The following TPST1 variants were observed in gnomAD, a reference collection of about 807,000 sequenced individuals.
TPST1 encodes the protein protein-tyrosine sulfotransferase 1.
TPST1 carries 20 observed loss-of-function variants against 34.8 expected under a neutral mutation model. The ratio of observed to expected loss-of-function variants is 0.57; its 90% CI spans 0.40 to 0.84. TPST1 has a LOEUF of 0.84. Ranked by LOEUF, TPST1 falls within the 40% of genes least tolerant of loss-of-function variation. TPST1 has a pLI of 0.00. For missense variants in TPST1, 353 were observed against 455.5 expected, an observed-to-expected ratio of 0.78 and a Z score of 2.05; for synonymous variants, 152 against 159.4, an observed-to-expected ratio of 0.95 and a Z score of 0.35.
At chr7:66,210,631 G>T (rs1489659954) in intron 1 of TPST1, among the ~76,000 whole-genome samples, 1 of 152,140 alleles carries the variant, frequency 6.6e-6, no homozygotes, top group African/African-American at 2.4e-5. Context: ...AAGAGGGAGT[G>T]ATAGAACCCT....
chr7:66,217,098 C>T (rs191751702), intron 1 of TPST1, among the ~76,000 whole-genome samples: 169 of 152,104 alleles, frequency 1.1e-3, no homozygotes, highest in African/African-American at 3.8e-3. Context: ...GGGACTTGTT[C>T]GAAAGCCTAA....
At chr7:66,349,093 G>C (rs1792416082) in intron 3 of TPST1, among the ~76,000 whole-genome samples, 1 of 152,178 alleles carries the variant, frequency 6.6e-6, no homozygotes, top group Non-Finnish European at 1.5e-5. Flanking sequence ...ATTTGCTAAA[G>C]GCAATGTGGG....
intron 5 of TPST1, 66 bp from the exon 6 acceptor site, chr7:66,359,829 A>T (rs144268783): frequency 2.2e-6 from 1 of 453,998 alleles, no homozygotes; most frequent in East Asian, 7.0e-5. Context: ...GAAGGAAGAG[A>T]CGAAGACACA....
intron 2 of TPST1, among the ~76,000 whole-genome samples, chr7:66,254,337 A>G (rs911682879): frequency 5.9e-5 from 9 of 152,132 alleles, no homozygotes; most frequent in Admixed American, 3.9e-4. Flanking sequence ...TTATTTGATA[A>G]GTTTATTATT....
At position 66,265,155 on chromosome 7, in the gene TPST1, A is replaced by G. The variant is rs370452943; in HGVS notation, c.846-21356A>G. Among the ~76,000 whole-genome samples, 18 of 152,372 alleles carry G rather than the reference A, an allele frequency of 1.2e-4. No homozygotes were observed. The South Asian group carries it at 3.7e-3, about 32-fold the overall frequency. ...GGAAAAAAGTAATTAGGAAATATAAATAGAGCCTAAAGAGACCTGTGGGAT... is the reference window on the plus strand; with the variant it reads ...GGAAAAAAGTAATTAGGAAATATAAGTAGAGCCTAAAGAGACCTGTGGGAT... On this transcript the variant is annotated intron_variant, in intron 2 of 5. Coordinates refer to ENST00000304842, the MANE Select transcript of TPST1 (RefSeq NM_003596.4).
chr7:66,206,292 C>T (rs1378892223), intron 1 of TPST1, among the ~76,000 whole-genome samples: 1 of 152,108 alleles, frequency 6.6e-6, no homozygotes, highest in Non-Finnish European at 1.5e-5. Flanking sequence ...TTCGTCCTTA[C>T]ATGAGCTGCA....
At chr7:66,220,540 T>C (rs1789520277) in intron 1 of TPST1, among the ~76,000 whole-genome samples, 1 of 151,952 alleles carries the variant, frequency 6.6e-6, no homozygotes. Context: ...AAAGATGGCA[T>C]TAAAGTGGAA....
rs773065528 is a variant in TPST1 at position 66,356,809 on chromosome 7, T to C, written c.1096-16T>C. The C allele has an allele frequency of 3.1e-5, 50 of 1,614,036 alleles. No homozygotes were observed. The highest frequency in any genetic ancestry group is 3.9e-5 in the Non-Finnish European group (46 of 1,180,016). On this transcript the variant is annotated splice_polypyrimidine_tract_variant and intron_variant, in intron 4 of 5. Transcript: ENST00000304842. ...AACTTCAAGGACATTAAAACATCTTTTCTTTCCTTCAACAGACTGAGCAAG... is the reference window on the plus strand; with the variant it reads ...AACTTCAAGGACATTAAAACATCTTCTCTTTCCTTCAACAGACTGAGCAAG...
chr7:66,322,744 A>C (rs947967835), intron 3 of TPST1, among the ~76,000 whole-genome samples: 2 of 152,172 alleles, frequency 1.3e-5, no homozygotes, highest in Non-Finnish European at 2.9e-5. Flanking sequence ...GTGTATACTC[A>C]GAAGTGGAAT....
chr7:66,214,520 G>A (rs955623504), intron 1 of TPST1, among the ~76,000 whole-genome samples: 1 of 151,600 alleles, frequency 6.6e-6, no homozygotes, highest in African/African-American at 2.4e-5. Flanking sequence ...CGGAAGTGTC[G>A]TTAAGAATTG....
At chr7:66,297,291 G>A (rs758388225) in intron 3 of TPST1, among the ~76,000 whole-genome samples, 4 of 152,100 alleles carry the variant, frequency 2.6e-5, no homozygotes, top group Non-Finnish European at 5.9e-5. Flanking sequence ...TGTGTCCACC[G>A]AAATGCTCTC....
chr7:66,218,823 G>T (rs1166530078), intron 1 of TPST1, among the ~76,000 whole-genome samples: 1 of 151,456 alleles, frequency 6.6e-6, no homozygotes, highest in Non-Finnish European at 1.5e-5. Flanking sequence ...CTCCAGCCTG[G>T]GTGACAGAGC....
intron 2 of TPST1, among the ~76,000 whole-genome samples, chr7:66,258,791 T>C (rs1236314222): frequency 6.6e-6 from 1 of 152,210 alleles, no homozygotes; most frequent in Non-Finnish European, 1.5e-5. Flanking sequence ...TTCCCAATTA[T>C]TTTTGCCTGA....
chr7:66,304,921 G>T lies in TPST1; in HGVS notation c.1044+18212G>T, dbSNP rs375606686. Among the ~76,000 whole-genome samples the T allele has an allele frequency of 2.0e-5, 3 of 151,874 alleles. No individual in the cohort carries two copies. In the East Asian group the frequency reaches 5.8e-4, roughly 29 times the overall value. On this transcript the variant is annotated intron_variant, in intron 3 of 5. Coordinates refer to ENST00000304842, the MANE Select transcript of TPST1 (RefSeq NM_003596.4). ...CATCCAGAATCTCCTGGGCCCAAGC[G>T]ATCCGCCTGCCTTAGCTTCTTGACT...
intron 3 of TPST1, among the ~76,000 whole-genome samples, chr7:66,339,416 C>G (rs1792188456): frequency 6.6e-6 from 1 of 152,054 alleles, no homozygotes; most frequent in Non-Finnish European, 1.5e-5. Flanking sequence ...TAAATTCTGC[C>G]AGACATTTAA....
intron 1 of TPST1, among the ~76,000 whole-genome samples, chr7:66,237,039 T>A (rs1789925630): frequency 6.6e-6 from 1 of 152,186 alleles, no homozygotes; most frequent in South Asian, 2.1e-4. Context: ...CTTTCATGTC[T>A]CCTCTGTGCC....
At chr7:66,259,416 G>T (rs370730628) in intron 2 of TPST1, among the ~76,000 whole-genome samples, 1 of 152,072 alleles carries the variant, frequency 6.6e-6, no homozygotes, top group Non-Finnish European at 1.5e-5. Flanking sequence ...TACTTGGAAC[G>T]TGTTGAGCTC....
At chr7:66,229,936 A>G (rs1789741973) in intron 1 of TPST1, among the ~76,000 whole-genome samples, 1 of 152,106 alleles carries the variant, frequency 6.6e-6, no homozygotes, top group Admixed American at 6.6e-5. Context: ...ACTCATTACT[A>G]GTCACTTCTT....
intron 3 of TPST1, among the ~76,000 whole-genome samples, chr7:66,343,803 C>T (rs999303458): frequency 6.6e-6 from 1 of 152,022 alleles, no homozygotes; most frequent in African/African-American, 2.4e-5. Flanking sequence ...TTTATGGCAG[C>T]GATTTTTGGA....
Sources: allele counts gnomAD v4.1 joint callset (sites outside exome capture counted in the v4.1 genomes callset), GRCh38; gene constraint gnomAD v4.1.1; transcripts MANE v1.5; gene names NCBI Gene and HGNC (gene_info 2026-07-23, HGNC 2026-07-21).